The following PACRG variants were observed in gnomAD, a reference collection of about 807,000 sequenced individuals.
PACRG encodes the protein parkin coregulated gene protein.
A neutral mutation model predicts 29.7 loss-of-function variants in PACRG; 29 were observed. The ratio of observed to expected loss-of-function variants is 0.98; its 90% CI spans 0.73 to 1.33. PACRG has a LOEUF of 1.33. Among genes scored for constraint, PACRG ranks in the 40% most tolerant of loss-of-function variants. The probability of loss-of-function intolerance (pLI) is 0.00; values close to 1 mark genes in which losing one functional copy is unlikely to be tolerated. For missense variants in PACRG, 279 were observed against 316.2 expected, an observed-to-expected ratio of 0.88 and a Z score of 0.89; for synonymous variants, 116 against 118.7, an observed-to-expected ratio of 0.98 and a Z score of 0.15.
intron 2 of PACRG, among the ~76,000 whole-genome samples, chr6:163,057,311 TA>T (rs1288086391): frequency 6.6e-6 from 1 of 152,228 alleles, no homozygotes; most frequent in African/African-American, 2.4e-5. Flanking sequence ...CTGCCAAGGA[TA>T]AATCATAATA....
At chr6:162,885,048 A>G (rs1514334) in intron 2 of PACRG, among the ~76,000 whole-genome samples, 105,966 of 151,954 alleles carry the variant, frequency 0.7, 38,297 homozygotes, top group African/African-American at 0.9. Flanking sequence ...TGTTACCCAC[A>G]TCACTTGCCC....
intron 2 of PACRG, among the ~76,000 whole-genome samples, chr6:162,912,553 A>G (rs1828819): frequency 0.28 from 42,363 of 151,416 alleles, 6,210 homozygotes; most frequent in East Asian, 0.43. Flanking sequence ...TGTTAAACAC[A>G]TAAGTCACAT....
intron 2 of PACRG, among the ~76,000 whole-genome samples, chr6:162,915,430 T>G (rs2128085512): frequency 6.6e-6 from 1 of 152,162 alleles, no homozygotes; most frequent in South Asian, 2.1e-4. Flanking sequence ...ATTCCTAGCT[T>G]GTAAGCATAA....
intron 2 of PACRG, among the ~76,000 whole-genome samples, chr6:162,843,080 G>A (rs1789955459): frequency 6.7e-6 from 1 of 149,054 alleles, no homozygotes; most frequent in African/African-American, 2.5e-5. Flanking sequence ...GTGTCTTGGA[G>A]TTGGCTCTTC....
At chr6:163,191,048 A>C in intron 4 of PACRG, 1 of 436,024 alleles carries the variant, frequency 2.3e-6, no homozygotes, top group South Asian at 1.7e-5. Flanking sequence ...ACATATTATC[A>C]TTTGAAAAAC....
At chr6:163,296,935 C>G (rs1306144683) in intron 4 of PACRG, among the ~76,000 whole-genome samples, 1 of 152,082 alleles carries the variant, frequency 6.6e-6, no homozygotes, top group Non-Finnish European at 1.5e-5. Flanking sequence ...AAAGAAATAC[C>G]AGATAATTTC....
At chr6:162,957,735 T>C (rs1800170365) in intron 2 of PACRG, among the ~76,000 whole-genome samples, 2 of 152,114 alleles carry the variant, frequency 1.3e-5, no homozygotes, top group African/African-American at 4.8e-5. Flanking sequence ...CTTTTAAAAT[T>C]AAGAAGCCCA....
chr6:163,004,258 T>A (rs1489726337), intron 2 of PACRG, among the ~76,000 whole-genome samples: 1 of 150,436 alleles, frequency 6.6e-6, no homozygotes, highest in African/African-American at 2.4e-5. Flanking sequence ...TATATGAACA[T>A]ATATATCATT....
intron 1 of PACRG, among the ~76,000 whole-genome samples, chr6:162,765,696 T>C: frequency 1.3e-5 from 2 of 152,226 alleles, no homozygotes; most frequent in Non-Finnish European, 2.9e-5. Context: ...AGAACATTTC[T>C]GGAGCATTTC....
At chr6:162,959,942 C>A (rs1229384757) in intron 2 of PACRG, among the ~76,000 whole-genome samples, 1 of 152,048 alleles carries the variant, frequency 6.6e-6, no homozygotes, top group Non-Finnish European at 1.5e-5. Context: ...AAAAAGCGGG[C>A]AAAGGACATA....
chr6:162,943,958 C>T (rs947660666), intron 2 of PACRG, among the ~76,000 whole-genome samples: 1 of 152,146 alleles, frequency 6.6e-6, no homozygotes, highest in Admixed American at 6.5e-5. Context: ...GCCTGAGGAC[C>T]CACCCACCTG....
chr6:162,910,801 G>C (rs1488541924), intron 2 of PACRG, among the ~76,000 whole-genome samples: 1 of 152,192 alleles, frequency 6.6e-6, no homozygotes, highest in Non-Finnish European at 1.5e-5. Context: ...AGCAGTAGCA[G>C]TTCATTGCCC....
chr6:163,304,999 A>C (rs1785143757), intron 4 of PACRG, among the ~76,000 whole-genome samples: 1 of 152,248 alleles, frequency 6.6e-6, no homozygotes, highest in Admixed American at 6.5e-5. Flanking sequence ...ATCCAGGAGG[A>C]ACTGGAGTGG....
chr6:163,290,276 GCGCACACACACACACA>G (rs1485136822), intron 4 of PACRG, among the ~76,000 whole-genome samples: 2,917 of 127,706 alleles, frequency 0.023, 41 homozygotes, highest in South Asian at 0.047. Context: ...ACGCGCGCGC[GCGCACACACACACACA>G]CACACACACA....
At chr6:163,027,445 C>T (rs929950577) in intron 2 of PACRG, among the ~76,000 whole-genome samples, 4 of 152,084 alleles carry the variant, frequency 2.6e-5, no homozygotes, top group Admixed American at 2.6e-4. Flanking sequence ...TTGCTGTTTC[C>T]AAATGTCAAC....
chr6:163,062,082 A>C, intron 2 of PACRG, 68 bp from the exon 3 acceptor site: 1 of 1,542,738 alleles, frequency 6.5e-7, no homozygotes, highest in Non-Finnish European at 8.8e-7. Context: ...TGACAGCTGC[A>C]TAGCTTGTCT....
intron 2 of PACRG, among the ~76,000 whole-genome samples, chr6:162,835,735 A>G (rs1789170093): frequency 6.6e-6 from 1 of 152,140 alleles, no homozygotes; most frequent in African/African-American, 2.4e-5. Flanking sequence ...ACCTGCCGTC[A>G]TCTATATGAA....
At chr6:162,995,396 C>A (rs1803910684) in intron 2 of PACRG, among the ~76,000 whole-genome samples, 2 of 152,080 alleles carry the variant, frequency 1.3e-5, no homozygotes, top group Admixed American at 1.3e-4. Context: ...CAGCGAGATT[C>A]CATGGGCGTA....
At chr6:162,747,343 TATATATATATATATATATATAC>T (rs1478459810) in intron 1 of PACRG, among the ~76,000 whole-genome samples, 1 of 74,414 alleles carries the variant, frequency 1.3e-5, no homozygotes, top group Non-Finnish European at 2.4e-5. Context: ...TATATATATA[TATATATATATATATATATATAC>T]ACATACATAT....
Sources: gnomAD v4.1 joint callset for allele counts (sites outside exome capture counted in the v4.1 genomes callset) on GRCh38, gnomAD v4.1.1 for gene constraint, MANE v1.5 for transcripts, NCBI Gene and HGNC (gene_info 2026-07-23, HGNC 2026-07-21) for gene names.